EYS: variants seen among roughly 807,000 people sequenced by gnomAD.
The protein encoded by EYS is EGF-like photoreceptor maintenance factor, also known as protein eyes shut homolog.
EYS carries 250 observed loss-of-function variants against 282.1 expected under a neutral mutation model. The ratio of observed to expected loss-of-function variants is 0.89; its 90% confidence interval spans 0.80 to 0.98. The LOEUF (loss-of-function observed/expected upper bound fraction) is 0.98. EYS is among the 50% of genes least tolerant of loss of function. EYS has a pLI of 0.00. For synonymous variants in EYS, 1,355 were observed against 1,282.9 expected, an observed-to-expected ratio of 1.06 and a Z score of -1.20; for missense variants, 4,016 against 3,709.0, an observed-to-expected ratio of 1.08 and a Z score of -2.15.
intron 2 of EYS, among the ~76,000 whole-genome samples, chr6:65,585,470 C>A (rs1056784768): frequency 5.9e-5 from 9 of 151,410 alleles, no homozygotes; most frequent in African/African-American, 9.7e-5. Flanking sequence ...CTAAAATAAT[C>A]AAAAATGTAC....
At chr6:64,833,781 T>A (rs1388566148) in intron 19 of EYS, among the ~76,000 whole-genome samples, 2 of 151,900 alleles carry the variant, frequency 1.3e-5, no homozygotes, top group Non-Finnish European at 2.9e-5. Context: ...ATCTTTCTTT[T>A]ATAATTAAAA....
intron 25 of EYS, among the ~76,000 whole-genome samples, chr6:64,592,230 A>G (rs1317124248): frequency 6.6e-6 from 1 of 152,172 alleles, no homozygotes; most frequent in Non-Finnish European, 1.5e-5. Flanking sequence ...GTTAGAACAA[A>G]TGGCATTACA....
chr6:64,504,093 C>T (rs1032655509), intron 26 of EYS, among the ~76,000 whole-genome samples: 3 of 152,124 alleles, frequency 2.0e-5, no homozygotes, highest in Admixed American at 6.5e-5. Flanking sequence ...TACACAGTCT[C>T]AAGTAGTTCC....
intron 26 of EYS, among the ~76,000 whole-genome samples, chr6:64,569,534 G>A (rs1008006713): frequency 1.3e-5 from 2 of 152,096 alleles, no homozygotes; most frequent in Admixed American, 6.6e-5. Flanking sequence ...GAGGTCAGGA[G>A]ATCAAGACCA....
chr6:64,800,239 A>T (rs1583170902), intron 22 of EYS, among the ~76,000 whole-genome samples: 1 of 152,052 alleles, frequency 6.6e-6, no homozygotes, highest in Admixed American at 6.5e-5. Flanking sequence ...AATTCCACTG[A>T]CAATAAGCAT....
chr6:63,798,388 A>G (rs1770697053), intron 37 of EYS, among the ~76,000 whole-genome samples: 1 of 152,204 alleles, frequency 6.6e-6, no homozygotes, highest in Non-Finnish European at 1.5e-5. Flanking sequence ...AGATTTGATA[A>G]TTTGAGGTTC....
intron 22 of EYS, 143 bp from the exon 23 acceptor site, chr6:64,626,388 G>A (rs1234340583): frequency 5.8e-6 from 5 of 868,974 alleles, no homozygotes; most frequent in Non-Finnish European, 8.5e-6. Context: ...GTGACAATGA[G>A]TTGAATTGTG....
At chr6:64,850,633 T>A (rs1469643062) in intron 19 of EYS, among the ~76,000 whole-genome samples, 1 of 151,468 alleles carries the variant, frequency 6.6e-6, no homozygotes, top group Admixed American at 6.6e-5. Context: ...AGGCAGAACT[T>A]GTTACAGGTA....
At chr6:65,187,799 T>A (rs995138182) in intron 12 of EYS, among the ~76,000 whole-genome samples, 2 of 151,724 alleles carry the variant, frequency 1.3e-5, no homozygotes, top group Non-Finnish European at 3.0e-5. Flanking sequence ...TACCATTTAC[T>A]CTGAAAACTT....
chr6:63,794,821 T>C (rs1340560895), intron 37 of EYS, among the ~76,000 whole-genome samples: 2 of 152,192 alleles, frequency 1.3e-5, no homozygotes, highest in Non-Finnish European at 2.9e-5. Flanking sequence ...GGAACCAAGC[T>C]CATTTGGTAT....
intron 1 of EYS, among the ~76,000 whole-genome samples, chr6:65,642,489 C>G (rs935437318): frequency 5.3e-5 from 8 of 151,612 alleles, no homozygotes; most frequent in Non-Finnish European, 1.5e-5. Flanking sequence ...AGCCTCCAGA[C>G]TTTTAAAATT....
chr6:65,149,063 G>C (rs895949973), intron 12 of EYS, among the ~76,000 whole-genome samples: 1 of 152,084 alleles, frequency 6.6e-6, no homozygotes, highest in South Asian at 2.1e-4. Context: ...TGCTGTAAAG[G>C]TCTCTTACGT....
chr6:65,246,738 G>A (rs192175076), intron 12 of EYS, among the ~76,000 whole-genome samples: 5 of 152,148 alleles, frequency 3.3e-5, no homozygotes, highest in South Asian at 2.1e-4. Context: ...GTGCTCGCTC[G>A]CACTCTCTTT....
At chr6:64,725,544 C>T (rs1244281603) in intron 22 of EYS, among the ~76,000 whole-genome samples, 1 of 152,080 alleles carries the variant, frequency 6.6e-6, no homozygotes, top group Non-Finnish European at 1.5e-5. Flanking sequence ...TATTCATATG[C>T]CCTAGCCCTA....
chr6:64,751,799 T>C, intron 22 of EYS, among the ~76,000 whole-genome samples: 1 of 152,184 alleles, frequency 6.6e-6, no homozygotes, highest in South Asian at 2.1e-4. Flanking sequence ...CAGCCCCATA[T>C]GTGGCAGCAA....
chr6:64,780,473 A>G (rs1474740105), intron 22 of EYS, among the ~76,000 whole-genome samples: 3 of 152,174 alleles, frequency 2.0e-5, no homozygotes, highest in Non-Finnish European at 4.4e-5. Flanking sequence ...ATGGGCACAC[A>G]TGGACTTAAA....
intron 7 of EYS, among the ~76,000 whole-genome samples, chr6:65,386,576 A>G (rs2150353346): frequency 6.6e-6 from 1 of 152,096 alleles, no homozygotes; most frequent in South Asian, 2.1e-4. Flanking sequence ...AAGTTTCAAT[A>G]GTAGCCTTGA....
intron 12 of EYS, among the ~76,000 whole-genome samples, chr6:65,251,624 C>T (rs1017477039): frequency 8.6e-5 from 13 of 151,954 alleles, no homozygotes; most frequent in African/African-American, 3.1e-4. Context: ...AAGCCTGCAG[C>T]TGCTGTATGA....
At chr6:65,311,319 A>T (rs1352917024) in intron 11 of EYS, among the ~76,000 whole-genome samples, 1 of 152,140 alleles carries the variant, frequency 6.6e-6, no homozygotes, top group Admixed American at 6.6e-5. Flanking sequence ...TTAAAGGAGG[A>T]TAAGTGAGTT....
Sources: allele counts gnomAD v4.1 joint callset (sites outside exome capture counted in the v4.1 genomes callset), GRCh38; gene constraint gnomAD v4.1.1; transcripts MANE v1.5; gene names NCBI Gene and HGNC (gene_info 2026-07-23, HGNC 2026-07-21).